SUGCT: variants seen among roughly 807,000 people sequenced by gnomAD.
SUGCT encodes succinyl-CoA:glutarate-CoA transferase, also known as succinyl-CoA:glutarate CoA-transferase.
A neutral mutation model predicts 55.0 loss-of-function variants in SUGCT; 41 were observed. That is an observed-to-expected ratio of 0.74 (90% CI 0.58 to 0.97). The LOEUF is 0.97. Ranked by LOEUF, SUGCT falls within the 50% of genes least tolerant of loss-of-function variation. The probability of loss-of-function intolerance (pLI) is 0.00; values close to 1 mark genes in which losing one functional copy is unlikely to be tolerated. For missense variants in SUGCT, 568 were observed against 547.8 expected (o/e 1.04, Z -0.37); for synonymous variants, 187 against 200.4 (o/e 0.93, Z 0.56).
At chr7:40,586,152 G>A (rs888338056) in intron 12 of SUGCT, among the ~76,000 whole-genome samples, 2 of 152,024 alleles carry the variant, frequency 1.3e-5, no homozygotes, top group Admixed American at 6.6e-5. Context: ...GAGCTCAGTC[G>A]ATGTCTGCTA....
intron 9 of SUGCT, among the ~76,000 whole-genome samples, chr7:40,321,890 C>T (rs1285472762): frequency 6.6e-6 from 1 of 152,164 alleles, no homozygotes; most frequent in Non-Finnish European, 1.5e-5. Context: ...CTGCGATAAA[C>T]ATGTGAATGC....
chr7:40,549,521 T>A (rs149095276), intron 12 of SUGCT, among the ~76,000 whole-genome samples: 2 of 152,132 alleles, frequency 1.3e-5, no homozygotes, highest in Non-Finnish European at 2.9e-5. Flanking sequence ...AGTGTGAACA[T>A]TGGACACACA....
chr7:40,899,214 C>T, the SUGCT span, among the ~76,000 whole-genome samples: 1 of 152,200 alleles, frequency 6.6e-6, no homozygotes, highest in Non-Finnish European at 1.5e-5. Flanking sequence ...AGACTGGCAT[C>T]TCTGGCCGCC....
At chr7:40,327,018 GT>G (rs1267252270) in intron 9 of SUGCT, among the ~76,000 whole-genome samples, 1 of 152,214 alleles carries the variant, frequency 6.6e-6, no homozygotes, top group Non-Finnish European at 1.5e-5. Flanking sequence ...GAACGAAAGA[GT>G]AGGTGATAGC....
Position 40,150,265 on chromosome 7 carries a change from A to G in SUGCT, c.100+15145A>G, listed in dbSNP as rs182757718. Among the ~76,000 whole-genome samples, 582 of 152,226 alleles carry G rather than the reference A, an allele frequency of 3.8e-3. 4 individuals are homozygous for G. The highest frequency in any genetic ancestry group is 0.013 in the African/African-American group (560 of 41,526). On this transcript the variant is annotated intron_variant, in intron 1 of 13. Transcript: ENST00000335693. The stretch of plus-strand genomic sequence containing the variant: ...TCATCTGATCTTGTGGCCCCCGCCC[A>G]GGAACTGACTGATCAAGAAGACAGC...
At chr7:40,802,258 T>C (rs1200403194) in intron 13 of SUGCT, among the ~76,000 whole-genome samples, 2 of 151,830 alleles carry the variant, frequency 1.3e-5, no homozygotes, top group Non-Finnish European at 2.9e-5. Flanking sequence ...GATAAATGAA[T>C]TTTTTTTCTC....
intron 12 of SUGCT, among the ~76,000 whole-genome samples, chr7:40,622,086 C>G (rs1258089349): frequency 6.6e-6 from 1 of 152,192 alleles, no homozygotes; most frequent in East Asian, 1.9e-4. Flanking sequence ...TCTGTGGCAC[C>G]TGCCTCATCC....
At chr7:40,400,378 A>G (rs1017363314) in intron 9 of SUGCT, among the ~76,000 whole-genome samples, 68 of 152,334 alleles carry the variant, frequency 4.5e-4, no homozygotes, top group African/African-American at 1.6e-3. Context: ...GGAAGCTTAC[A>G]GTCCTGGCTG....
At chr7:40,720,336 A>C (rs1786260637) in intron 12 of SUGCT, among the ~76,000 whole-genome samples, 1 of 152,228 alleles carries the variant, frequency 6.6e-6, no homozygotes, top group South Asian at 2.1e-4. Flanking sequence ...TATGGCATAA[A>C]AATGCCGCAT....
the SUGCT span, among the ~76,000 whole-genome samples, chr7:40,997,509 A>T: frequency 3.3e-5 from 5 of 152,042 alleles, no homozygotes; most frequent in Admixed American, 6.6e-5. Flanking sequence ...ACCACCCTGC[A>T]CACACACACA....
At chr7:40,826,063 C>G (rs1394330421) in intron 13 of SUGCT, among the ~76,000 whole-genome samples, 1 of 152,172 alleles carries the variant, frequency 6.6e-6, no homozygotes, top group Admixed American at 6.5e-5. Context: ...CAATAAACAA[C>G]TCAAGTACTG....
At chr7:40,236,070 T>C (rs1033057946) in intron 6 of SUGCT, among the ~76,000 whole-genome samples, 2 of 152,128 alleles carry the variant, frequency 1.3e-5, no homozygotes, top group East Asian at 1.9e-4. Flanking sequence ...TTTGTTATTA[T>C]TTTTTGAGGC....
At chr7:40,858,466 T>C (rs376328001) in intron 13 of SUGCT, among the ~76,000 whole-genome samples, 12 of 148,476 alleles carry the variant, frequency 8.1e-5, no homozygotes, top group African/African-American at 2.2e-4. Flanking sequence ...TAGCTATTAC[T>C]ACTACTGTCT....
At chr7:40,723,278 T>A (rs1036947913) in intron 12 of SUGCT, among the ~76,000 whole-genome samples, 1 of 152,162 alleles carries the variant, frequency 6.6e-6, no homozygotes, top group African/African-American at 2.4e-5. Flanking sequence ...CTGACTTGAC[T>A]TCTCCGATTT....
intron 11 of SUGCT, among the ~76,000 whole-genome samples, chr7:40,488,009 A>G (rs1583812270): frequency 6.7e-6 from 1 of 148,612 alleles, no homozygotes; most frequent in East Asian, 1.9e-4. Flanking sequence ...AATTCATTCA[A>G]CTACTCTGCT....
intron 12 of SUGCT, among the ~76,000 whole-genome samples, chr7:40,725,533 T>C (rs559440131): frequency 6.6e-6 from 1 of 152,128 alleles, no homozygotes; most frequent in African/African-American, 2.4e-5. Context: ...ACATAACACA[T>C]TGAGGGTCAT....
intron 13 of SUGCT, among the ~76,000 whole-genome samples, chr7:40,832,116 G>A (rs144004070): frequency 6.6e-6 from 1 of 152,272 alleles, no homozygotes; most frequent in African/African-American, 2.4e-5. Flanking sequence ...GCAAATGTGT[G>A]GCTGTCCCTG....
chr7:40,507,836 T>G (rs2151544352), intron 12 of SUGCT, among the ~76,000 whole-genome samples: 1 of 152,340 alleles, frequency 6.6e-6, no homozygotes. Flanking sequence ...TGTACATCCT[T>G]TCTTGCATAC....
the SUGCT span, among the ~76,000 whole-genome samples, chr7:40,947,838 C>A: frequency 6.6e-6 from 1 of 152,168 alleles, no homozygotes; most frequent in Non-Finnish European, 1.5e-5. Context: ...ATCTTCAATG[C>A]TCAAGCAGGC....
Sources: gnomAD v4.1 joint callset for allele counts (sites outside exome capture counted in the v4.1 genomes callset) on GRCh38, gnomAD v4.1.1 for gene constraint, MANE v1.5 for transcripts, NCBI Gene and HGNC (gene_info 2026-07-23, HGNC 2026-07-21) for gene names.